The following CAMK2D variants were observed in gnomAD, a reference collection of about 807,000 sequenced individuals.
CAMK2D encodes calcium/calmodulin-dependent protein kinase type II subunit delta.
A neutral mutation model predicts 84.0 loss-of-function variants in CAMK2D; 37 were observed. That is an observed-to-expected ratio of 0.44 (90% CI 0.34 to 0.58). The LOEUF (loss-of-function observed/expected upper bound fraction) is 0.58, where lower values mean the gene tolerates loss of function less well. Ranked by LOEUF, CAMK2D falls within the 20% of genes least tolerant of loss-of-function variation. CAMK2D has a pLI of 0.02. For missense variants in CAMK2D, 448 were observed against 652.5 expected (o/e 0.69, Z 3.41); for synonymous variants, 202 against 212.5 (o/e 0.95, Z 0.43).
Position 113,519,938 on chromosome 4 carries a change from C to T in CAMK2D, c.602-2281G>A, listed in dbSNP as rs2098334829. Among the ~76,000 whole-genome samples the T allele has an allele frequency of 3.3e-5, 5 of 152,264 alleles. No individual in the cohort carries two copies. In the South Asian group the frequency reaches 1.0e-3, roughly 32 times the overall value. On this transcript the variant is annotated intron_variant, in intron 8 of 20. Coordinates refer to ENST00000511664, the MANE Select transcript of CAMK2D (RefSeq NM_001321571.2). ...TAAACATTCCCTGCAGCCACTTTTT[C>T]TTTATCTATGAACTTTAGTAGGAAT...
At chr4:113,502,614 T>C (rs990909857) in intron 15 of CAMK2D, among the ~76,000 whole-genome samples, 12 of 151,836 alleles carry the variant, frequency 7.9e-5, no homozygotes, top group African/African-American at 2.9e-4. Flanking sequence ...ATATCTACAG[T>C]ACAAAGCACA....
rs1024064291 is a variant in CAMK2D at position 113,453,032 on chromosome 4, A to T, written c.*1513T>A. 1 of 152,268 alleles carries T rather than the reference A, an allele frequency of 6.6e-6. No homozygotes were observed. Among genetic ancestry groups the T allele is most frequent in the Non-Finnish European group, 1.5e-5 (1 of 68,024 alleles). 9.4% of individuals were successfully genotyped at this position (152,268 alleles called of 1,614,324 possible). A position where few individuals can be genotyped will look rare whatever the true frequency, so the allele number is the denominator to read the frequency against. On this transcript the variant is annotated 3_prime_UTR_variant, in exon 21 of 21. Transcript: ENST00000511664. ...AGGCTTCTGAGGACTGTGAATTACT[A>T]TCGTTAAAATAACAATGATGGAGAT...
At chr4:113,471,254 CT>C (rs2097543465) in intron 16 of CAMK2D, among the ~76,000 whole-genome samples, 1 of 152,142 alleles carries the variant, frequency 6.6e-6, no homozygotes, top group Admixed American at 6.5e-5. Context: ...CTTAGCACTT[CT>C]GATGATGTTT....
chr4:113,476,814 A>T (rs561431343), intron 16 of CAMK2D, among the ~76,000 whole-genome samples: 1 of 152,268 alleles, frequency 6.6e-6, no homozygotes, highest in East Asian at 1.9e-4. Flanking sequence ...AGACTTTTGC[A>T]TTCTGGTGAA....
At chr4:113,724,967 T>C (rs944393531) in intron 2 of CAMK2D, among the ~76,000 whole-genome samples, 1 of 152,044 alleles carries the variant, frequency 6.6e-6, no homozygotes, top group African/African-American at 2.4e-5. Context: ...ACTAAATCTG[T>C]TTTTTCATTC....
chr4:113,754,690 TTTA>T, intron 2 of CAMK2D: 1 of 978,152 alleles, frequency 1.0e-6, no homozygotes, highest in Non-Finnish European at 1.2e-6. Flanking sequence ...ACTTTTTTTT[TTTA>T]TTATTTGTGT....
At chr4:113,639,522 G>A (rs1408279378) in intron 3 of CAMK2D, among the ~76,000 whole-genome samples, 2 of 151,978 alleles carry the variant, frequency 1.3e-5, no homozygotes, top group Admixed American at 6.6e-5. Flanking sequence ...CTGCACCAGC[G>A]CTGACTCACT....
chr4:113,581,544 G>GAAAAA (rs2098810146), intron 4 of CAMK2D, among the ~76,000 whole-genome samples: 2 of 143,392 alleles, frequency 1.4e-5, no homozygotes, highest in African/African-American at 2.6e-5. Context: ...GAAAAGAAAA[G>GAAAAA]AAAAGAAAAA....
chr4:113,560,298 C>T (rs2098692324), intron 4 of CAMK2D, among the ~76,000 whole-genome samples: 1 of 151,588 alleles, frequency 6.6e-6, no homozygotes, highest in African/African-American at 2.4e-5. Context: ...TAAGCAGTGT[C>T]GTTTATCTAC....
At chr4:113,509,825 G>A (rs755588071) in intron 12 of CAMK2D, 150 bp from the exon 13 acceptor site, 2 of 626,894 alleles carry the variant, frequency 3.2e-6, no homozygotes, top group South Asian at 1.9e-5. Flanking sequence ...TGATGAACGC[G>A]AGCTTACAGG....
intron 4 of CAMK2D, among the ~76,000 whole-genome samples, chr4:113,602,199 T>C (rs994728008): frequency 3.3e-5 from 5 of 152,140 alleles, no homozygotes; most frequent in South Asian, 2.1e-4. Flanking sequence ...CAGAACAATA[T>C]CGTGGCAAAC....
intron 16 of CAMK2D, among the ~76,000 whole-genome samples, chr4:113,470,017 CTCTT>C (rs748913285): frequency 2.0e-5 from 3 of 152,128 alleles, no homozygotes; most frequent in Non-Finnish European, 4.4e-5. Context: ...CTCTCTCTCT[CTCTT>C]TCTTTTTTTT....
chr4:113,694,380 T>C (rs944741121), intron 2 of CAMK2D, among the ~76,000 whole-genome samples: 7 of 152,194 alleles, frequency 4.6e-5, no homozygotes, highest in African/African-American at 9.7e-5. Context: ...TGTTTATGTT[T>C]TGAGAAGTTA....
At chr4:113,673,662 A>G (rs2099303914) in intron 2 of CAMK2D, among the ~76,000 whole-genome samples, 1 of 152,236 alleles carries the variant, frequency 6.6e-6, no homozygotes, top group African/African-American at 2.4e-5. Context: ...CCAGTCCCTT[A>G]CAGCTCTTCT....
intron 2 of CAMK2D, among the ~76,000 whole-genome samples, chr4:113,744,083 G>A (rs996089729): frequency 7.2e-5 from 11 of 151,886 alleles, no homozygotes; most frequent in East Asian, 1.9e-4. Context: ...CTCGCGATCC[G>A]CCCACCTAGG....
chr4:113,574,229 C>T (rs923797045), intron 4 of CAMK2D, among the ~76,000 whole-genome samples: 8 of 152,230 alleles, frequency 5.3e-5, no homozygotes, highest in African/African-American at 1.4e-4. Context: ...AGTGCTTCAC[C>T]GTGTCTCACA....
intron 2 of CAMK2D, among the ~76,000 whole-genome samples, chr4:113,710,044 C>T (rs528988556): frequency 5.9e-5 from 9 of 151,796 alleles, no homozygotes; most frequent in African/African-American, 1.4e-4. Flanking sequence ...AGGCTCCAAT[C>T]GCTCTGGGTT....
chr4:113,483,763 G>A (rs537502007), intron 16 of CAMK2D, among the ~76,000 whole-genome samples: 22 of 152,004 alleles, frequency 1.4e-4, no homozygotes, highest in Middle Eastern at 6.8e-3. Context: ...ACTCCAGCCT[G>A]GATGACAGAG....
chr4:113,478,669 A>G (rs2097660716), intron 16 of CAMK2D, among the ~76,000 whole-genome samples: 1 of 152,148 alleles, frequency 6.6e-6, no homozygotes, highest in African/African-American at 2.4e-5. Context: ...CTGTTTAGTA[A>G]TATGTTTACA....
Sources: gnomAD v4.1 joint callset for allele counts (sites outside exome capture counted in the v4.1 genomes callset) on GRCh38, gnomAD v4.1.1 for gene constraint, MANE v1.5 for transcripts, NCBI Gene and HGNC (gene_info 2026-07-23, HGNC 2026-07-21) for gene names.